ADGRA1: variants seen among roughly 807,000 people sequenced by gnomAD.
ADGRA1 encodes G-protein coupled receptor 123.
A neutral mutation model predicts 21.3 loss-of-function variants in ADGRA1; 12 were observed. The ratio of observed to expected loss-of-function variants is 0.56; its 90% CI spans 0.36 to 0.91. ADGRA1 has a LOEUF of 0.91. Among genes scored for constraint, ADGRA1 ranks in the 40% least tolerant of loss-of-function variants. The probability of loss-of-function intolerance (pLI) is 0.01; values close to 1 mark genes in which losing one functional copy is unlikely to be tolerated. For synonymous variants in ADGRA1, 385 were observed against 368.8 expected (o/e 1.04, Z -0.50); for missense variants, 790 against 805.6 (o/e 0.98, Z 0.23).
At chr10:133,096,197 G>A (rs1475313234) in intron 2 of ADGRA1, among the ~76,000 whole-genome samples, 1 of 152,182 alleles carries the variant, frequency 6.6e-6, no homozygotes. Flanking sequence ...GTGCACGCAT[G>A]TTTCTGGGCT....
At chr10:133,111,450 A>T (rs67528950) in intron 5 of ADGRA1, among the ~76,000 whole-genome samples, 28 of 9,752 alleles carry the variant, frequency 2.9e-3, no homozygotes, top group South Asian at 5.0e-3. Flanking sequence ...TCCTAATCCC[A>T]CCAGACAACC....
In ADGRA1 at chr10:133,125,492, C is replaced by T. The variant is rs181357908; in HGVS notation, c.402-1741C>T. Among the ~76,000 whole-genome samples the T allele has an allele frequency of 7.8e-3, 1,187 of 152,284 alleles. 12 individuals are homozygous for T. The highest frequency in any genetic ancestry group is 0.027 in the African/African-American group (1,134 of 41,556). ...AGGCTGGAGTGCAGTGGCGCGATCT[C>T]GGCTCACTGCAAACCCCGCCTCCTG... On this transcript the variant is annotated intron_variant, in intron 5 of 6. Transcript: ENST00000392607.
intron 5 of ADGRA1, among the ~76,000 whole-genome samples, chr10:133,109,622 G>C (rs1194467701): frequency 6.6e-6 from 1 of 152,064 alleles, no homozygotes; most frequent in Non-Finnish European, 1.5e-5. Context: ...CCTTCTGCCC[G>C]GTGCCCACCT....
intron 5 of ADGRA1, among the ~76,000 whole-genome samples, chr10:133,104,738 G>A (rs543702227): frequency 1.1e-4 from 16 of 152,086 alleles, no homozygotes; most frequent in African/African-American, 3.1e-4. Flanking sequence ...CTCCCCAGCC[G>A]CCCCCCCGGT....
At chr10:133,094,844 GTTC>G (rs1851661026) in intron 2 of ADGRA1, among the ~76,000 whole-genome samples, 1 of 152,286 alleles carries the variant, frequency 6.6e-6, no homozygotes, top group Non-Finnish European at 1.5e-5. Flanking sequence ...TAAAACTTCA[GTTC>G]TTCTACCCAC....
Position 133,102,954 on chromosome 10 carries a change from C to T in ADGRA1, c.401+112C>T, listed in dbSNP as rs1851824615. 3.4e-6 allele frequency: 4 copies of T among 1,184,250 alleles called. No homozygotes were observed. The Admixed American group carries it at 8.9e-5, about 26-fold the overall frequency. The allele number at this position is 1,184,250 out of a possible 1,614,324, so 73.4% of individuals were successfully genotyped here. ...AGGCCACCAGGGGCCTGAGGATGAT[C>T]CGGTCCATGGGGGAGGGTCAGTGTT... On this transcript the variant is annotated intron_variant, in intron 5 of 6. Coordinates refer to ENST00000392607, the MANE Select transcript of ADGRA1 (RefSeq NM_001083909.3).
At chr10:133,100,286 G>C (rs1851767485) in intron 4 of ADGRA1, among the ~76,000 whole-genome samples, 1 of 152,228 alleles carries the variant, frequency 6.6e-6, no homozygotes, top group African/African-American at 2.4e-5. Context: ...CTGGTAAGCT[G>C]GAAACAACCA....
In ADGRA1 at chr10:133,130,254, C is replaced by T. The variant is rs1415692049; in HGVS notation, c.*743C>T. The T allele has an allele frequency of 6.6e-6, 1 of 152,206 alleles. No individual in the cohort carries two copies. The highest frequency in any genetic ancestry group is 1.5e-5 in the Non-Finnish European group (1 of 68,050). 9.4% of individuals were successfully genotyped at this position (152,206 alleles called of 1,614,324 possible). A position where few individuals can be genotyped will look rare whatever the true frequency, so the allele number is the denominator to read the frequency against. ...CTGGACTTTGGGGATGGCTGTCAGC[C>T]TCAGAGGGCCAATGGGGGGCTTTCA... On this transcript the variant is annotated 3_prime_UTR_variant, in exon 7 of 7. Transcript: ENST00000392607.
At chr10:133,122,771 G>A (rs1477597073) in intron 5 of ADGRA1, among the ~76,000 whole-genome samples, 1 of 151,316 alleles carries the variant, frequency 6.6e-6, no homozygotes, top group Non-Finnish European at 1.5e-5. Flanking sequence ...TGGCCCTGGG[G>A]CCTCCTTGTC....
intron 2 of ADGRA1, among the ~76,000 whole-genome samples, chr10:133,091,319 C>T (rs1036147963): frequency 4.0e-5 from 6 of 150,094 alleles, no homozygotes; most frequent in Admixed American, 6.6e-5. Context: ...GTGGGATGGG[C>T]GGTGTGGCTG....
intron 5 of ADGRA1, among the ~76,000 whole-genome samples, chr10:133,103,544 C>T (rs932167327): frequency 3.3e-5 from 5 of 152,328 alleles, no homozygotes; most frequent in African/African-American, 9.6e-5. Flanking sequence ...GGGAATGCAC[C>T]GTGGCCTTTG....
At chr10:133,094,071 T>A (rs750271962) in intron 2 of ADGRA1, among the ~76,000 whole-genome samples, 20 of 152,278 alleles carry the variant, frequency 1.3e-4, no homozygotes, top group Non-Finnish European at 2.5e-4. Context: ...GGCCTCCAGC[T>A]CACGCGGCAG....
At chr10:133,124,728 G>A (rs995006578) in intron 5 of ADGRA1, among the ~76,000 whole-genome samples, 9 of 152,260 alleles carry the variant, frequency 5.9e-5, no homozygotes, top group Non-Finnish European at 1.0e-4. Context: ...GCTGCCAGAC[G>A]GGCGGGAACA....
At chr10:133,101,981 C>T (rs1221628722) in intron 4 of ADGRA1, among the ~76,000 whole-genome samples, 4 of 152,246 alleles carry the variant, frequency 2.6e-5, no homozygotes, top group African/African-American at 4.8e-5. Context: ...TAGCTTTATG[C>T]GGCGAATCTC....
intron 2 of ADGRA1, among the ~76,000 whole-genome samples, chr10:133,092,772 A>AGGAAGAGAGGGAG (rs1851618187): frequency 7.8e-6 from 1 of 127,944 alleles, no homozygotes; most frequent in African/African-American, 3.0e-5. Flanking sequence ...GAAGGAAGGA[A>AGGAAGAGAGGGAG]GGAAGGAAGG....
chr10:133,102,977 G>T (rs1851825219), intron 5 of ADGRA1, 135 bp downstream of exon 5: 5 of 993,278 alleles, frequency 5.0e-6, no homozygotes, highest in Non-Finnish European at 7.2e-6. Context: ...GAGGGTCAGT[G>T]TTCCCAGGGA....
In ADGRA1 at chr10:133,095,655, C is replaced by A. The variant is rs899279919; in HGVS notation, c.4-1319C>A. The A allele has an allele frequency of 1.9e-6, 3 of 1,594,680 alleles. No homozygotes were observed. In the African/African-American group the frequency reaches 4.0e-5, roughly 21 times the overall value. The stretch of plus-strand genomic sequence containing the variant: ...GCCAGTCCCTTGGCTCCCCAGAGCA[C>A]CCTCTGTCCACGGTGGACACTCTCT... On this transcript the variant is annotated intron_variant, in intron 2 of 6. Coordinates refer to ENST00000392607, the MANE Select transcript of ADGRA1 (RefSeq NM_001083909.3).
chr10:133,089,434 G>A (rs934561921), intron 2 of ADGRA1, among the ~76,000 whole-genome samples: 1 of 152,254 alleles, frequency 6.6e-6, no homozygotes, highest in East Asian at 1.9e-4. Flanking sequence ...GTTTCAGCGG[G>A]AAGGGGCTCG....
At chr10:133,116,333 G>T (rs893974272) in intron 5 of ADGRA1, among the ~76,000 whole-genome samples, 1 of 151,966 alleles carries the variant, frequency 6.6e-6, no homozygotes, top group Non-Finnish European at 1.5e-5. Flanking sequence ...CGCCCTCCCC[G>T]CAGGGCCTGT....
Sources: gnomAD v4.1 joint callset for allele counts (sites outside exome capture counted in the v4.1 genomes callset) on GRCh38, gnomAD v4.1.1 for gene constraint, MANE v1.5 for transcripts, NCBI Gene and HGNC (gene_info 2026-07-23, HGNC 2026-07-21) for gene names.